The following ANKIB1 variants were observed in gnomAD, a reference collection of about 807,000 sequenced individuals.
ANKIB1 encodes the protein ankyrin repeat and IBR domain containing 1.
A neutral mutation model predicts 122.1 loss-of-function variants in ANKIB1; 43 were observed. The ratio of observed to expected loss-of-function variants is 0.35; its 90% CI spans 0.28 to 0.45. ANKIB1 has a LOEUF of 0.45. Among genes scored for constraint, ANKIB1 ranks in the 20% least tolerant of loss-of-function variants. The pLI is 1.00. For missense variants in ANKIB1, 992 were observed against 1,329.5 expected, an observed-to-expected ratio of 0.75 and a Z score of 3.95; for synonymous variants, 390 against 442.0, an observed-to-expected ratio of 0.88 and a Z score of 1.48.
intron 3 of ANKIB1, among the ~76,000 whole-genome samples, chr7:92,316,743 A>AG (rs1554339654): frequency 6.6e-6 from 1 of 151,658 alleles, no homozygotes; most frequent in Non-Finnish European, 1.5e-5. Flanking sequence ...CATTTTTTTA[A>AG]CCCCCCAATG....
chr7:92,329,719 G>A lies in ANKIB1; in HGVS notation c.787+1819G>A, dbSNP rs547649804. ...CCAGAAACTTGAAAGTCATATTTTA[G>A]TCCTCTGTCTCTCTTATATTTGACC... On this transcript the variant is annotated intron_variant, in intron 5 of 19. Coordinates refer to ENST00000265742, the MANE Select transcript of ANKIB1 (RefSeq NM_019004.2). Among the ~76,000 whole-genome samples the A allele has an allele frequency of 3.3e-5, 5 of 152,060 alleles. No individual in the cohort carries two copies. In the South Asian group the frequency reaches 8.3e-4, roughly 25 times the overall value.
At chr7:92,254,610 G>A (rs913797322) in intron 1 of ANKIB1, among the ~76,000 whole-genome samples, 5 of 152,098 alleles carry the variant, frequency 3.3e-5, no homozygotes, top group African/African-American at 1.2e-4. Context: ...CAATATATTT[G>A]TTGGGCATTT....
In ANKIB1 at chr7:92,246,205, C is replaced by CGGG. The variant is rs1157062418; in HGVS notation, c.-405_-404insGGG. The CGGG allele has an allele frequency of 2.7e-6, 1 of 367,782 alleles. No homozygotes were observed. Among genetic ancestry groups the CGGG allele is most frequent in the East Asian group, 1.3e-4 (1 of 7,580 alleles). The allele number at this position is 367,782 out of a possible 1,614,324, so 22.8% of individuals were successfully genotyped here. On this transcript the variant is annotated 5_prime_UTR_variant, in exon 1 of 20. Transcript: ENST00000265742. ...GCGAGGCGGAGGCAAGAGCCACCGC[C>CGGG]CCCTCTTCCCCTCCCCCGAGTGAGG...
chr7:92,295,458 C>G (rs1045304903), intron 2 of ANKIB1, among the ~76,000 whole-genome samples: 1 of 152,044 alleles, frequency 6.6e-6, no homozygotes, highest in African/African-American at 2.4e-5. Flanking sequence ...GTTCTTGTTG[C>G]TATAAATATA....
chr7:92,270,836 C>G (rs1166830560), intron 1 of ANKIB1, among the ~76,000 whole-genome samples: 1 of 138,934 alleles, frequency 7.2e-6, no homozygotes, highest in South Asian at 2.3e-4. Flanking sequence ...CTTTGAGATT[C>G]ATCTAGGTTG....
chr7:92,286,281 C>G (rs1802121421), intron 1 of ANKIB1, among the ~76,000 whole-genome samples: 1 of 152,086 alleles, frequency 6.6e-6, no homozygotes, highest in Non-Finnish European at 1.5e-5. Flanking sequence ...GGGAAATCTA[C>G]TGTAGAGGGA....
At chr7:92,383,753 A>G (rs1039062614) in intron 11 of ANKIB1, among the ~76,000 whole-genome samples, 1 of 152,190 alleles carries the variant, frequency 6.6e-6, no homozygotes, top group African/African-American at 2.4e-5. Flanking sequence ...AAATAATAAG[A>G]GCTATTTATG....
intron 6 of ANKIB1, among the ~76,000 whole-genome samples, chr7:92,344,301 T>A (rs1457340917): frequency 6.9e-6 from 1 of 145,962 alleles, no homozygotes; most frequent in African/African-American, 2.5e-5. Context: ...ACCTCCCAGA[T>A]TCAGGTGATT....
At chr7:92,372,831 A>G (rs1804302858) in intron 11 of ANKIB1, among the ~76,000 whole-genome samples, 1 of 152,066 alleles carries the variant, frequency 6.6e-6, no homozygotes, top group Non-Finnish European at 1.5e-5. Flanking sequence ...TTGCTTTATC[A>G]TTAGAAATGT....
At chr7:92,274,432 T>TA (rs1562767739) in intron 1 of ANKIB1, among the ~76,000 whole-genome samples, 1 of 152,174 alleles carries the variant, frequency 6.6e-6, no homozygotes, top group South Asian at 2.1e-4. Context: ...AGTGTGCCTT[T>TA]AAAAAAATTT....
intron 14 of ANKIB1, 21 bp downstream of exon 14, chr7:92,388,062 G>C: frequency 6.5e-7 from 1 of 1,542,578 alleles, no homozygotes; most frequent in Non-Finnish European, 8.8e-7. Context: ...AGTTGTATGT[G>C]TGATAATTAA....
At chr7:92,365,061 G>A (rs1399991468) in intron 10 of ANKIB1, among the ~76,000 whole-genome samples, 2 of 152,182 alleles carry the variant, frequency 1.3e-5, no homozygotes, top group African/African-American at 4.8e-5. Flanking sequence ...GGAATAAATT[G>A]TTAATTTTAA....
intron 2 of ANKIB1, among the ~76,000 whole-genome samples, chr7:92,305,497 A>G (rs1802541554): frequency 6.6e-6 from 1 of 152,206 alleles, no homozygotes; most frequent in African/African-American, 2.4e-5. Flanking sequence ...CCTATAAACT[A>G]TTTGGGAGAA....
intron 11 of ANKIB1, among the ~76,000 whole-genome samples, chr7:92,374,365 C>A (rs949075482): frequency 3.3e-5 from 5 of 152,092 alleles, no homozygotes; most frequent in African/African-American, 1.2e-4. Context: ...GTAATCCCAG[C>A]TACTAGGGAG....
At chr7:92,261,785 T>C (rs185820860) in intron 1 of ANKIB1, among the ~76,000 whole-genome samples, 110 of 152,334 alleles carry the variant, frequency 7.2e-4, no homozygotes, top group African/African-American at 2.6e-3. Flanking sequence ...ACTTGAATTT[T>C]ATGTGCTTGC....
chr7:92,306,308 C>G (rs1802561123), intron 2 of ANKIB1, among the ~76,000 whole-genome samples: 1 of 152,020 alleles, frequency 6.6e-6, no homozygotes, highest in African/African-American at 2.4e-5. Context: ...CTTCCCTTGC[C>G]TTTTCTAGGT....
intron 18 of ANKIB1, among the ~76,000 whole-genome samples, 177 bp from the exon 19 acceptor site, chr7:92,397,546 C>A (rs1032108689): frequency 6.6e-6 from 1 of 151,496 alleles, no homozygotes; most frequent in Non-Finnish European, 1.5e-5. Flanking sequence ...ATATATTATT[C>A]TTCATGGTAA....
intron 1 of ANKIB1, among the ~76,000 whole-genome samples, chr7:92,265,133 A>G (rs1290877372): frequency 1.3e-5 from 2 of 151,992 alleles, no homozygotes; most frequent in Non-Finnish European, 2.9e-5. Flanking sequence ...GTGTACCACT[A>G]TACCTGGCTC....
rs146294657 is a variant in ANKIB1, at chr7:92,378,480, C to CAAA, written c.1617+6888_1617+6890dup. 2.6e-3 allele frequency among the ~76,000 whole-genome samples: 208 copies of CAAA among 80,384 alleles called. 3 individuals carry two copies. Among genetic ancestry groups the CAAA allele is most frequent in the South Asian group, 0.02 (54 of 2,736 alleles). 52.7% of individuals were successfully genotyped at this position (80,384 alleles called of 152,430 possible). On this transcript the variant is annotated intron_variant, in intron 11 of 19. Transcript: ENST00000265742. ...CTATAGCTGCTGAAAAGCTATTTGA[C>CAAA]AAAAAAAAAAAAAAAAATCAACAAT... is the stretch of plus-strand genomic sequence containing the variant.
Sources: gnomAD v4.1 joint callset for allele counts (sites outside exome capture counted in the v4.1 genomes callset) on GRCh38, gnomAD v4.1.1 for gene constraint, MANE v1.5 for transcripts, NCBI Gene and HGNC (gene_info 2026-07-23, HGNC 2026-07-21) for gene names.